CCDC146: variants seen among roughly 807,000 people sequenced by gnomAD.
The protein encoded by CCDC146 is coiled-coil domain containing 146.
Under a neutral mutation model 119.3 loss-of-function variants are expected in CCDC146, and 92 were observed. That is an observed-to-expected ratio of 0.77 (90% confidence interval 0.65 to 0.92). CCDC146 has a LOEUF of 0.92. CCDC146 is among the 40% of genes least tolerant of loss of function. The pLI, the probability that CCDC146 is intolerant of heterozygous loss-of-function variation, is 0.00. For synonymous variants in CCDC146, 372 were observed against 371.8 expected, an observed-to-expected ratio of 1.00 and a Z score of -0.01; for missense variants, 1,000 against 1,103.0, an observed-to-expected ratio of 0.91 and a Z score of 1.32.
chr7:77,227,648 T>C (rs1304044135), intron 2 of CCDC146, among the ~76,000 whole-genome samples: 2 of 152,194 alleles, frequency 1.3e-5, no homozygotes, highest in African/African-American at 2.4e-5. Context: ...GGAAATACAG[T>C]TGAGCATTCA....
At chr7:77,280,739 T>C (rs1793747906) in intron 14 of CCDC146, 86 bp downstream of exon 14, 1 of 882,186 alleles carries the variant, frequency 1.1e-6, no homozygotes, top group Non-Finnish European at 1.8e-6. Flanking sequence ...CAGTGAATAG[T>C]GAGGGAAATG....
intron 6 of CCDC146, among the ~76,000 whole-genome samples, chr7:77,257,616 T>C (rs188222550): frequency 5.6e-4 from 85 of 152,292 alleles, no homozygotes; most frequent in Middle Eastern, 6.8e-3. Flanking sequence ...GCCCCCAAGA[T>C]TGTACAAGTT....
chr7:77,263,650 A>G (rs902950854), intron 9 of CCDC146, among the ~76,000 whole-genome samples: 4 of 152,230 alleles, frequency 2.6e-5, no homozygotes, highest in African/African-American at 9.6e-5. Flanking sequence ...CTGGTTGGGC[A>G]CAGTGGCTGC....
chr7:77,124,202 A>G (rs1790663246), intron 1 of CCDC146, among the ~76,000 whole-genome samples: 1 of 152,202 alleles, frequency 6.6e-6, no homozygotes, highest in Non-Finnish European at 1.5e-5. Context: ...CATAATCATT[A>G]TTTTACTTTT....
At chr7:77,273,547 G>A in intron 9 of CCDC146, 147 bp from the exon 10 acceptor site, 1 of 380,174 alleles carries the variant, frequency 2.6e-6, no homozygotes, top group South Asian at 4.4e-5. Context: ...TTCAGACAGA[G>A]TCTCACTCTG....
chr7:77,252,993 A>C lies in CCDC146; in HGVS notation c.450-1513A>C, dbSNP rs2150504295. Among the ~76,000 whole-genome samples, 3 of 152,340 alleles carry C rather than the reference A, an allele frequency of 2.0e-5. 1 individual carries two copies. The East Asian group carries it at 5.8e-4, about 29-fold the overall frequency. On this transcript the variant is annotated intron_variant, in intron 4 of 18. Transcript: ENST00000285871. The stretch of plus-strand genomic sequence containing the variant: ...ATATAGTCCCCCTGTGTGTCCAGGA[A>C]GGGAAAATGGTGCAGCAAACAATGC...
At chr7:77,140,443 G>A (rs1790916971) in intron 1 of CCDC146, among the ~76,000 whole-genome samples, 1 of 152,220 alleles carries the variant, frequency 6.6e-6, no homozygotes, top group South Asian at 2.1e-4. Flanking sequence ...TACTGATCAT[G>A]CTGGCATGGT....
At chr7:77,152,087 C>T (rs574272432) in intron 1 of CCDC146, among the ~76,000 whole-genome samples, 2 of 152,256 alleles carry the variant, frequency 1.3e-5, no homozygotes, top group African/African-American at 2.4e-5. Flanking sequence ...AGGCACATTA[C>T]CCCCTTGATA....
chr7:77,277,078 G>A (rs1004592951), intron 11 of CCDC146, among the ~76,000 whole-genome samples: 1 of 151,518 alleles, frequency 6.6e-6, no homozygotes, highest in African/African-American at 2.4e-5. Flanking sequence ...TCTCAAAAAC[G>A]AAAAATAAAG....
At chr7:77,262,418 A>G in intron 9 of CCDC146, 111 bp downstream of exon 9, 1 of 794,946 alleles carries the variant, frequency 1.3e-6, no homozygotes, top group Non-Finnish European at 1.9e-6. Flanking sequence ...AATACAAGTA[A>G]CAGAGAAAAG....
intron 1 of CCDC146, among the ~76,000 whole-genome samples, chr7:77,126,707 G>A (rs1790693714): frequency 6.6e-6 from 1 of 152,072 alleles, no homozygotes; most frequent in African/African-American, 2.4e-5. Flanking sequence ...TGTGTAGTCT[G>A]TCTATCCTCT....
chr7:77,293,301 C>T, intron 18 of CCDC146, 101 bp downstream of exon 18: 2 of 1,226,372 alleles, frequency 1.6e-6, no homozygotes, highest in South Asian at 2.8e-5. Flanking sequence ...TTTCCCCACT[C>T]TACCACACAC....
At chr7:77,179,323 T>G (rs774246066) in intron 2 of CCDC146, among the ~76,000 whole-genome samples, 26 of 152,082 alleles carry the variant, frequency 1.7e-4, no homozygotes, top group Admixed American at 8.5e-4. Context: ...AGGTGCAGAA[T>G]AGTAAACAAT....
chr7:77,215,996 AC>A (rs141696413), intron 2 of CCDC146, among the ~76,000 whole-genome samples: 16 of 151,004 alleles, frequency 1.1e-4, no homozygotes, highest in African/African-American at 2.9e-4. Context: ...TGTATCCCTA[AC>A]CCCCCCACCT....
At chr7:77,293,303 A>G (rs1793984335) in intron 18 of CCDC146, 103 bp downstream of exon 18, 2 of 1,215,984 alleles carry the variant, frequency 1.6e-6, no homozygotes. Context: ...TCCCCACTCT[A>G]CCACACACAG....
chr7:77,205,032 C>A (rs1185473795), intron 2 of CCDC146, among the ~76,000 whole-genome samples: 1 of 152,050 alleles, frequency 6.6e-6, no homozygotes, highest in Non-Finnish European at 1.5e-5. Context: ...GGAGAAAGAT[C>A]GCTTGAGCCC....
chr7:77,164,531 T>A (rs1471055998), intron 1 of CCDC146, among the ~76,000 whole-genome samples: 1 of 152,178 alleles, frequency 6.6e-6, no homozygotes, highest in Non-Finnish European at 1.5e-5. Flanking sequence ...AGCCTCCTGA[T>A]GGAAGTATAT....
intron 6 of CCDC146, chr7:77,257,967 C>T (rs1041646643): frequency 6.6e-6 from 1 of 152,130 alleles, no homozygotes; most frequent in Non-Finnish European, 1.5e-5. Flanking sequence ...AGGCAGGGCT[C>T]CCCAGAAACA....
At chr7:77,271,537 T>C (rs1342273235) in intron 9 of CCDC146, among the ~76,000 whole-genome samples, 3 of 59,092 alleles carry the variant, frequency 5.1e-5, no homozygotes, top group African/African-American at 3.8e-4. Flanking sequence ...TATATATATA[T>C]ATATATATAT....
Sources: gnomAD v4.1 joint callset for allele counts (sites outside exome capture counted in the v4.1 genomes callset) on GRCh38, gnomAD v4.1.1 for gene constraint, MANE v1.5 for transcripts, NCBI Gene and HGNC (gene_info 2026-07-23, HGNC 2026-07-21) for gene names.